The following ZC3HAV1 variants were observed in gnomAD, a reference collection of about 807,000 sequenced individuals.
The protein encoded by ZC3HAV1 is zinc finger CCCH-type containing, antiviral 1.
Under a neutral mutation model 86.6 loss-of-function variants are expected in ZC3HAV1, and 41 were observed. The observed-to-expected ratio is 0.47, with a 90% CI of 0.37 to 0.61. The LOEUF (loss-of-function observed/expected upper bound fraction) is 0.61. Ranked by LOEUF, ZC3HAV1 falls within the 20% of genes least tolerant of loss-of-function variation. The pLI is 0.00. For missense variants in ZC3HAV1, 964 were observed against 1,141.1 expected, an observed-to-expected ratio of 0.84 and a Z score of 2.24; for synonymous variants, 421 against 432.1, an observed-to-expected ratio of 0.97 and a Z score of 0.32.
intron 2 of ZC3HAV1, among the ~76,000 whole-genome samples, chr7:139,085,830 T>C (rs532047858): frequency 5.9e-5 from 9 of 152,120 alleles, no homozygotes; most frequent in African/African-American, 2.2e-4. Flanking sequence ...CTGGCCAACA[T>C]GGTGAAACCC....
At chr7:139,104,621 G>C (rs1817872469) in intron 1 of ZC3HAV1, among the ~76,000 whole-genome samples, 1 of 151,270 alleles carries the variant, frequency 6.6e-6, no homozygotes, top group African/African-American at 2.4e-5. Flanking sequence ...TACGCGGGAG[G>C]CTGAGGCAGG....
At chr7:139,076,177 T>G in intron 6 of ZC3HAV1, 109 bp downstream of exon 6, 1 of 1,513,028 alleles carries the variant, frequency 6.6e-7, no homozygotes, top group Non-Finnish European at 9.0e-7. Context: ...CACACTCGAA[T>G]GGGATTCTGA....
At chr7:139,057,112 G>A (rs1001372667) in intron 9 of ZC3HAV1, among the ~76,000 whole-genome samples, 1 of 91,306 alleles carries the variant, frequency 1.1e-5, no homozygotes, top group Non-Finnish European at 2.2e-5. Context: ...ACTTTGGGAG[G>A]CCGAAGCAGG....
intron 1 of ZC3HAV1, among the ~76,000 whole-genome samples, chr7:139,104,031 G>A (rs536044880): frequency 6.6e-6 from 1 of 152,240 alleles, no homozygotes; most frequent in Admixed American, 6.5e-5. Context: ...ATAACCTTAG[G>A]TCTGTTATGA....
At chr7:139,065,031 G>A (rs1046628465) in intron 7 of ZC3HAV1, 32 bp from the exon 8 acceptor site, 8 of 1,612,532 alleles carry the variant, frequency 5.0e-6, no homozygotes, top group Non-Finnish European at 5.1e-6. Flanking sequence ...GGTAAAGTCA[G>A]GGTAGGCTTT....
In ZC3HAV1 at chr7:139,079,878, A is replaced by G. The variant is rs1470069186; in HGVS notation, c.1063T>C (p.Ser355Pro). ...GTGAGGCTCTTCCAGTTGGGGGCTGATGTTGAATTGGAAGCAAGGTAAGTG... is the reference window on the plus strand; with the variant it reads ...GTGAGGCTCTTCCAGTTGGGGGCTGGTGTTGAATTGGAAGCAAGGTAAGTG... The part of the protein sequence containing the change: ...GSTYLASNST[S>P]APNWKSLTSW... Residue 355 changes from serine to proline, a missense_variant, in exon 4 of 13, where the codon TCA (serine) becomes CCA (proline). Physicochemically the swap from Ser to Pro is moderately conservative, Grantham distance 74. Coordinates refer to ENST00000242351, the MANE Select transcript of ZC3HAV1 (RefSeq NM_020119.4). 1 of 1,614,104 alleles carries G rather than the reference A, an allele frequency of 6.2e-7. No individual in the cohort carries two copies. Among genetic ancestry groups the G allele is most frequent in the Non-Finnish European group, 8.5e-7 (1 of 1,180,020 alleles).
intron 1 of ZC3HAV1, among the ~76,000 whole-genome samples, chr7:139,097,112 T>A (rs1817612373): frequency 6.6e-6 from 1 of 151,520 alleles, no homozygotes. Flanking sequence ...CACTCCGGCC[T>A]GGGTGAGAGA....
At chr7:139,066,217 C>T (rs1029845146) in intron 7 of ZC3HAV1, among the ~76,000 whole-genome samples, 2 of 152,030 alleles carry the variant, frequency 1.3e-5, no homozygotes, top group African/African-American at 2.4e-5. Context: ...TCCAAGCAGC[C>T]GTGGTGGAGA....
At chr7:139,055,828 A>T (rs1816266745) in intron 9 of ZC3HAV1, among the ~76,000 whole-genome samples, 1 of 152,186 alleles carries the variant, frequency 6.6e-6, no homozygotes, top group African/African-American at 2.4e-5. Context: ...GAATTAGAAA[A>T]CCACCATTTG....
chr7:139,106,931 T>G (rs1817953566), intron 1 of ZC3HAV1, among the ~76,000 whole-genome samples: 1 of 148,522 alleles, frequency 6.7e-6, no homozygotes, highest in Admixed American at 6.8e-5. Flanking sequence ...TTCAAAACTG[T>G]TGAAATGATG....
intron 1 of ZC3HAV1, among the ~76,000 whole-genome samples, chr7:139,101,910 A>G (rs528929682): frequency 6.6e-6 from 1 of 150,644 alleles, no homozygotes; most frequent in Non-Finnish European, 1.5e-5. Flanking sequence ...AACCAGAGAC[A>G]TTTGTTCACT....
At chr7:139,060,501 C>A in intron 9 of ZC3HAV1, 1 of 992,484 alleles carries the variant, frequency 1.0e-6, no homozygotes, top group East Asian at 1.1e-4. Context: ...TTTCTCCGCC[C>A]CTCATCCTCT....
At chr7:139,071,059 A>G (rs1816758141) in intron 7 of ZC3HAV1, among the ~76,000 whole-genome samples, 1 of 150,854 alleles carries the variant, frequency 6.6e-6, no homozygotes, top group Non-Finnish European at 1.5e-5. Flanking sequence ...TTAAATTTAA[A>G]TACAGTATCT....
chr7:139,055,376 G>A, intron 9 of ZC3HAV1, 81 bp from the exon 10 acceptor site: 1 of 1,163,952 alleles, frequency 8.6e-7, no homozygotes, highest in South Asian at 1.4e-5. Context: ...CCAGCCACTA[G>A]GCCAAGGATG....
At chr7:139,060,367 C>T (rs1325548363) in intron 9 of ZC3HAV1, 1 of 985,916 alleles carries the variant, frequency 1.0e-6, no homozygotes, top group East Asian at 1.1e-4. Flanking sequence ...GTTTACTGAG[C>T]AGTTCACAAG....
intron 3 of ZC3HAV1, among the ~76,000 whole-genome samples, chr7:139,082,884 T>A (rs983985500): frequency 1.3e-4 from 19 of 151,996 alleles, no homozygotes; most frequent in Non-Finnish European, 2.2e-4. Flanking sequence ...GGTTTTTTTT[T>A]AAAGAAATGG....
intron 7 of ZC3HAV1, among the ~76,000 whole-genome samples, chr7:139,073,117 G>C (rs896153454): frequency 2.0e-5 from 3 of 152,024 alleles, no homozygotes; most frequent in African/African-American, 7.2e-5. Flanking sequence ...CCAACATGTT[G>C]AAACCCCATG....
In ZC3HAV1 at chr7:139,055,137, A is replaced by T; in HGVS notation, c.2187+68T>A. ...AATTCATTCATCCAGACAAACACAT[A>T]CACTTGTAGCAAAGTACTTTTTCTA... On this transcript the variant is annotated intron_variant, in intron 10 of 12. Coordinates refer to ENST00000242351, the MANE Select transcript of ZC3HAV1 (RefSeq NM_020119.4). 5 of 1,392,050 alleles carry T rather than the reference A, an allele frequency of 3.6e-6. No individual in the cohort carries two copies. The Admixed American group carries it at 8.8e-5, about 25-fold the overall frequency. The allele number at this position is 1,392,050 out of a possible 1,614,324, so 86.2% of individuals were successfully genotyped here. A position where few individuals can be genotyped will look rare whatever the true frequency, so the allele number is the denominator to read the frequency against.
At chr7:139,097,189 T>G (rs1817615445) in intron 1 of ZC3HAV1, among the ~76,000 whole-genome samples, 1 of 149,898 alleles carries the variant, frequency 6.7e-6, no homozygotes. Context: ...ATTTTAAAAA[T>G]AAATGAATAA....
Sources: allele counts gnomAD v4.1 joint callset (sites outside exome capture counted in the v4.1 genomes callset), GRCh38; gene constraint gnomAD v4.1.1; transcripts MANE v1.5; gene names NCBI Gene and HGNC (gene_info 2026-07-23, HGNC 2026-07-21).